RAD54L2: variants seen among roughly 807,000 people sequenced by gnomAD.
RAD54L2 encodes helicase ARIP4.
RAD54L2 carries 27 observed loss-of-function variants against 138.4 expected under a neutral mutation model. That is an observed-to-expected ratio of 0.20 (90% CI 0.14 to 0.27). The LOEUF (loss-of-function observed/expected upper bound fraction) is 0.27, where lower values mean the gene tolerates loss of function less well. Among genes scored for constraint, RAD54L2 ranks in the 10% least tolerant of loss-of-function variants. The pLI, the probability that RAD54L2 is intolerant of heterozygous loss-of-function variation, is 1.00. For synonymous variants in RAD54L2, 644 were observed against 723.2 expected, an observed-to-expected ratio of 0.89 and a Z score of 1.76; for missense variants, 1,396 against 1,890.2, an observed-to-expected ratio of 0.74 and a Z score of 4.85.
At chr3:51,549,344 C>T (rs897906371) in intron 2 of RAD54L2, among the ~76,000 whole-genome samples, 2 of 152,148 alleles carry the variant, frequency 1.3e-5, no homozygotes, top group African/African-American at 4.8e-5. Flanking sequence ...ACCTAGAGAG[C>T]TCTACTCTCT....
At chr3:51,582,921 G>A (rs373980975) in intron 2 of RAD54L2, among the ~76,000 whole-genome samples, 6 of 151,834 alleles carry the variant, frequency 4.0e-5, no homozygotes, top group Admixed American at 6.6e-5. Context: ...GCCCGCCACC[G>A]CGCCCGGCTA....
chr3:51,558,669 C>T (rs1458182518), intron 2 of RAD54L2, among the ~76,000 whole-genome samples: 1 of 152,080 alleles, frequency 6.6e-6, no homozygotes, highest in Non-Finnish European at 1.5e-5. Flanking sequence ...GGGGGTCTTG[C>T]TATGTTACCC....
intron 9 of RAD54L2, 54 bp from the exon 10 acceptor site, chr3:51,635,539 T>A: frequency 6.6e-7 from 1 of 1,519,172 alleles, no homozygotes; most frequent in Non-Finnish European, 8.9e-7. Flanking sequence ...GCAGAAACAA[T>A]AATTCTTGAG....
intron 2 of RAD54L2, among the ~76,000 whole-genome samples, chr3:51,547,544 C>G (rs60823123): frequency 0.033 from 4,960 of 150,208 alleles, 293 homozygotes; most frequent in African/African-American, 0.11. Context: ...GCATACTTTG[C>G]GTATGTATGA....
intron 3 of RAD54L2, among the ~76,000 whole-genome samples, chr3:51,609,344 C>T (rs1700278061): frequency 6.6e-6 from 1 of 152,196 alleles, no homozygotes; most frequent in Non-Finnish European, 1.5e-5. Context: ...TAAAATGATG[C>T]TTGCTTTATC....
chr3:51,583,728 A>G (rs1282800703), intron 2 of RAD54L2, among the ~76,000 whole-genome samples: 2 of 151,894 alleles, frequency 1.3e-5, no homozygotes, highest in African/African-American at 4.8e-5. Flanking sequence ...CGCCCGGCCG[A>G]CAAGTGGTAG....
At chr3:51,546,720 G>A (rs1174457637) in intron 2 of RAD54L2, among the ~76,000 whole-genome samples, 1 of 150,406 alleles carries the variant, frequency 6.6e-6, no homozygotes, top group Non-Finnish European at 1.5e-5. Context: ...TGTGAGCAGT[G>A]TTGAGAAGTT....
Position 51,635,694 on chromosome 3 carries a change from C to T in RAD54L2, c.1244C>T (p.Ser415Leu), listed in dbSNP as rs763837863. Residue 415 changes from serine (S) to leucine (L), a missense_variant, in exon 10 of 23, where the codon TCA (serine) becomes TTA (leucine). Physicochemically the swap from Ser to Leu is moderately radical, Grantham distance 145 (BLOSUM62 -2). Around this residue, in one of 7 missense-constraint regions of RAD54L2, gnomAD observed 169 missense variants for 235.6 expected, o/e 0.72. Coordinates refer to ENST00000684192, the MANE Select transcript of RAD54L2 (RefSeq NM_015106.4). Reference protein sequence around the residue: ...EMYRLLTLKKSFATGRPKKTK... With the variant: ...EMYRLLTLKKLFATGRPKKTK... ...TACAGACTCCTCACTCTGAAGAAAT[C>T]ATTTGCCACAGGTAGACCGAAGAAA... 9.3e-6 allele frequency: 15 copies of T among 1,613,882 alleles called. No homozygotes were observed. Among genetic ancestry groups the T allele is most frequent in the Non-Finnish European group, 1.3e-5 (15 of 1,179,878 alleles).
At chr3:51,604,441 A>G (rs1220342651) in intron 3 of RAD54L2, among the ~76,000 whole-genome samples, 2 of 151,260 alleles carry the variant, frequency 1.3e-5, no homozygotes, top group African/African-American at 4.9e-5. Context: ...TGAACTCTCT[A>G]TTTTGTTCCC....
chr3:51,590,578 G>A lies in RAD54L2; in HGVS notation c.139+19G>A, dbSNP rs1171778754. 4 of 1,552,378 alleles carry A rather than the reference G, an allele frequency of 2.6e-6. No homozygotes were observed. The highest frequency in any genetic ancestry group is 3.5e-6 in the Non-Finnish European group (4 of 1,147,132). The stretch of plus-strand genomic sequence containing the variant: ...CTGGATGGTAAGTGGGCTCTATTGA[G>A]TGACAGAAGTTGCCTTATATTTTCC... On this transcript the variant is annotated intron_variant, in intron 3 of 22. Transcript: ENST00000684192.
intron 3 of RAD54L2, among the ~76,000 whole-genome samples, chr3:51,620,709 T>C (rs1008254252): frequency 6.6e-6 from 1 of 152,198 alleles, no homozygotes; most frequent in Admixed American, 6.5e-5. Flanking sequence ...ATATAACTCT[T>C]GTGGTTACTG....
chr3:51,550,561 G>A (rs982072839), intron 2 of RAD54L2, among the ~76,000 whole-genome samples: 7 of 152,030 alleles, frequency 4.6e-5, no homozygotes, highest in Non-Finnish European at 8.8e-5. Flanking sequence ...CCGGGATTTC[G>A]AGACCCGCCT....
intron 2 of RAD54L2, among the ~76,000 whole-genome samples, chr3:51,559,368 C>T (rs924355952): frequency 2.0e-5 from 3 of 152,142 alleles, no homozygotes; most frequent in African/African-American, 7.2e-5. Flanking sequence ...TTTCATGTTA[C>T]ATAAATAACA....
At position 51,559,746 on chromosome 3, in the gene RAD54L2, A is replaced by G. The variant is rs1488855144; in HGVS notation, c.-55+18096A>G. Reference sequence around the variant, plus strand: ...TATTTGTTTAGGAACCAGATAGTACATATTATGGTGGAAGATGTTATACCC... The same window carrying G: ...TATTTGTTTAGGAACCAGATAGTACGTATTATGGTGGAAGATGTTATACCC... On this transcript the variant is annotated intron_variant, in intron 2 of 22. Transcript: ENST00000684192. 2.6e-5 allele frequency among the ~76,000 whole-genome samples: 4 copies of G among 152,214 alleles called. No individual in the cohort carries two copies. The East Asian group carries it at 5.8e-4, about 22-fold the overall frequency.
At chr3:51,605,451 G>GTT (rs56187003) in intron 3 of RAD54L2, among the ~76,000 whole-genome samples, 2,917 of 109,214 alleles carry the variant, frequency 0.027, 228 homozygotes, top group African/African-American at 0.068. Flanking sequence ...GAATTTGAGG[G>GTT]TTTTTTTTTT....
At chr3:51,660,249 T>A in intron 22 of RAD54L2, 131 bp downstream of exon 22, 1 of 634,252 alleles carries the variant, frequency 1.6e-6, no homozygotes, top group Non-Finnish European at 2.6e-6. Flanking sequence ...CAGAAAGAGG[T>A]AAAGTGAAAA....
chr3:51,610,859 C>T (rs1700312291), intron 3 of RAD54L2, among the ~76,000 whole-genome samples: 1 of 152,190 alleles, frequency 6.6e-6, no homozygotes, highest in Non-Finnish European at 1.5e-5. Flanking sequence ...TATACCAGCT[C>T]TAAATCCAAC....
chr3:51,641,936 CTCTT>C lies in RAD54L2; in HGVS notation c.2350+73_2350+76del, dbSNP rs1295853267. The C allele has an allele frequency of 2.3e-5, 24 of 1,043,738 alleles. No homozygotes were observed. In the African/African-American group the frequency reaches 3.2e-4, roughly 14 times the overall value. The allele number at this position is 1,043,738 out of a possible 1,614,324, so 64.7% of individuals were successfully genotyped here. A position where few individuals can be genotyped will look rare whatever the true frequency, so the allele number is the denominator to read the frequency against. The stretch of plus-strand genomic sequence containing the variant: ...GCTTAAGGGTTTCCTTTCCTTCTCT[CTCTT>C]TCTCTTTCTCCACTCCATCAAATGC... On this transcript the variant is annotated intron_variant, in intron 15 of 22. Transcript: ENST00000684192.
chr3:51,623,790 A>G (rs918737729), intron 3 of RAD54L2, among the ~76,000 whole-genome samples: 1 of 151,988 alleles, frequency 6.6e-6, no homozygotes, highest in African/African-American at 2.4e-5. Context: ...CCTGGCTAAC[A>G]CGGTGAAACC....
Sources: allele counts gnomAD v4.1 joint callset (sites outside exome capture counted in the v4.1 genomes callset), GRCh38; gene constraint gnomAD v4.1.1; regional missense constraint gnomAD v4.1.1; transcripts MANE v1.5; gene names NCBI Gene and HGNC (gene_info 2026-07-23, HGNC 2026-07-21).